The following SDK1 variants were observed in gnomAD, a reference collection of about 807,000 sequenced individuals.
SDK1 encodes protein sidekick-1.
Under a neutral mutation model 245.5 loss-of-function variants are expected in SDK1, and 157 were observed. That is an observed-to-expected ratio of 0.64 (90% CI 0.56 to 0.73). The LOEUF is 0.73. Among genes scored for constraint, SDK1 ranks in the 30% least tolerant of loss-of-function variants. The pLI is 0.00. For synonymous variants in SDK1, 1,647 were observed against 1,278.5 expected (o/e 1.29, Z -6.15); for missense variants, 3,583 against 3,002.3 (o/e 1.19, Z -4.52).
At chr7:3,932,341 G>A (rs970230919) in intron 5 of SDK1, among the ~76,000 whole-genome samples, 4 of 152,168 alleles carry the variant, frequency 2.6e-5, no homozygotes, top group Non-Finnish European at 5.9e-5. Flanking sequence ...GTCAACTTTA[G>A]ATTTATTGTC....
chr7:3,347,680 A>C (rs1780545319), intron 1 of SDK1, among the ~76,000 whole-genome samples: 1 of 152,104 alleles, frequency 6.6e-6, no homozygotes, highest in South Asian at 2.1e-4. Context: ...TGGCTTTACA[A>C]GTTTTTTCTC....
intron 1 of SDK1, among the ~76,000 whole-genome samples, chr7:3,468,658 C>T (rs995282853): frequency 6.6e-6 from 1 of 152,038 alleles, no homozygotes; most frequent in African/African-American, 2.4e-5. Context: ...GAATACATGC[C>T]CAGAGAGGCC....
intron 5 of SDK1, among the ~76,000 whole-genome samples, chr7:3,841,314 C>T (rs766334272): frequency 2.7e-4 from 41 of 152,270 alleles, no homozygotes; most frequent in Admixed American, 4.6e-4. Context: ...TCCAGCAGAA[C>T]GGATGGTGCT....
intron 4 of SDK1, among the ~76,000 whole-genome samples, chr7:3,803,500 G>A (rs994672122): frequency 5.9e-5 from 9 of 151,350 alleles, no homozygotes; most frequent in Admixed American, 5.3e-4. Context: ...TAGTAGAGAA[G>A]GGGTTTCACC....
chr7:3,465,879 T>G (rs536858045), intron 1 of SDK1, among the ~76,000 whole-genome samples: 45 of 152,274 alleles, frequency 3.0e-4, no homozygotes, highest in Non-Finnish European at 4.6e-4. Context: ...GAGGATAAAT[T>G]CATATAAACT....
intron 22 of SDK1, among the ~76,000 whole-genome samples, chr7:4,101,527 TA>T (rs752654356): frequency 1.4e-4 from 22 of 152,180 alleles, no homozygotes; most frequent in Non-Finnish European, 2.6e-4. Context: ...ATCAGGGTCC[TA>T]CCACTGAAAT....
At chr7:3,431,536 G>C (rs923389237) in intron 1 of SDK1, among the ~76,000 whole-genome samples, 62 of 152,004 alleles carry the variant, frequency 4.1e-4, no homozygotes, top group African/African-American at 1.4e-3. Context: ...AAATACCAAA[G>C]GTGAATACCA....
chr7:3,875,507 A>G (rs1489233408), intron 5 of SDK1, among the ~76,000 whole-genome samples: 4 of 152,202 alleles, frequency 2.6e-5, no homozygotes, highest in African/African-American at 9.6e-5. Context: ...TGCCTCTCCT[A>G]TGCAATCGTG....
rs546562748 is a variant in SDK1, at chr7:4,142,076, A to T, written c.4229-3646A>T. Among the ~76,000 whole-genome samples, 4 of 152,202 alleles carry T rather than the reference A, an allele frequency of 2.6e-5. No individual in the cohort carries two copies. In the South Asian group the frequency reaches 8.3e-4, roughly 32 times the overall value. ...TGCCGGGATAGGCATGTTTTTTCAC[A>T]CGGTGAAGAAGAAATCTTTTTAGCC... On this transcript the variant is annotated intron_variant, in intron 28 of 44. Coordinates refer to ENST00000404826, the MANE Select transcript of SDK1 (RefSeq NM_152744.4).
chr7:4,234,954 T>A (rs1001285522), intron 41 of SDK1, among the ~76,000 whole-genome samples: 4 of 152,170 alleles, frequency 2.6e-5, no homozygotes, highest in Non-Finnish European at 4.4e-5. Flanking sequence ...GCTGTTCCTC[T>A]CCTCTGCGTT....
chr7:3,424,748 C>A (rs1425880493), intron 1 of SDK1, among the ~76,000 whole-genome samples: 1 of 151,930 alleles, frequency 6.6e-6, no homozygotes, highest in Non-Finnish European at 1.5e-5. Flanking sequence ...AATAAAAAAA[C>A]TAGCCAGGCA....
intron 1 of SDK1, among the ~76,000 whole-genome samples, chr7:3,341,711 G>C (rs182732449): frequency 6.6e-6 from 1 of 152,162 alleles, no homozygotes; most frequent in Non-Finnish European, 1.5e-5. Context: ...TAAAAATTGT[G>C]AAAAAGATAC....
intron 3 of SDK1, among the ~76,000 whole-genome samples, chr7:3,640,766 C>G (rs975046179): frequency 1.3e-5 from 2 of 152,038 alleles, no homozygotes; most frequent in Admixed American, 1.3e-4. Flanking sequence ...TCACCGCAAC[C>G]TCCGCCTCCT....
At chr7:3,375,684 C>T (rs1215358627) in intron 1 of SDK1, among the ~76,000 whole-genome samples, 1 of 152,146 alleles carries the variant, frequency 6.6e-6, no homozygotes, top group African/African-American at 2.4e-5. Context: ...GGAACTGAGG[C>T]CTTGGTCAAC....
At chr7:4,238,919 A>G (rs924036782) in intron 42 of SDK1, among the ~76,000 whole-genome samples, 3 of 152,150 alleles carry the variant, frequency 2.0e-5, no homozygotes, top group African/African-American at 4.8e-5. Flanking sequence ...ATGCAATATT[A>G]TAAACACAGT....
chr7:4,266,759 A>G lies in SDK1; in HGVS notation c.*1375A>G, dbSNP rs2128246398. On this transcript the variant is annotated 3_prime_UTR_variant, in exon 45 of 45. Transcript: ENST00000404826. ...AGCCCGGGTCCCGGGTCTGGATGGA[A>G]CGGGAGCACTGCTGGTGCCCACTGG... The G allele has an allele frequency of 1.0e-6, 1 of 985,470 alleles. No homozygotes were observed. The highest frequency in any genetic ancestry group is 1.7e-5 in the African/African-American group (1 of 57,378). The allele number at this position is 985,470 out of a possible 1,614,324, so 61.0% of individuals were successfully genotyped here. A position where few individuals can be genotyped will look rare whatever the true frequency, so the allele number is the denominator to read the frequency against.
At chr7:4,180,558 C>A (rs112938640) in intron 35 of SDK1, among the ~76,000 whole-genome samples, 16 of 152,220 alleles carry the variant, frequency 1.1e-4, no homozygotes, top group African/African-American at 3.6e-4. Context: ...GCGCCCAGCT[C>A]CAGTTCTAGG....
chr7:3,548,896 A>G (rs1469367768), intron 1 of SDK1, among the ~76,000 whole-genome samples: 2 of 152,176 alleles, frequency 1.3e-5, no homozygotes, highest in African/African-American at 4.8e-5. Flanking sequence ...GACCTCAGAT[A>G]TCTCCTTCTC....
intron 1 of SDK1, among the ~76,000 whole-genome samples, chr7:3,415,045 T>A (rs1227264936): frequency 6.6e-6 from 1 of 152,176 alleles, no homozygotes; most frequent in Admixed American, 6.5e-5. Flanking sequence ...TGTGTAGCAG[T>A]TTTTTTGTGG....
Sources: allele counts gnomAD v4.1 joint callset (sites outside exome capture counted in the v4.1 genomes callset), GRCh38; gene constraint gnomAD v4.1.1; transcripts MANE v1.5; gene names NCBI Gene and HGNC (gene_info 2026-07-23, HGNC 2026-07-21).